Variants in INTS14 observed in about 807,000 individuals in gnomAD.
INTS14 encodes integrator complex subunit 14.
A neutral mutation model predicts 56.9 loss-of-function variants in INTS14; 27 were observed. The ratio of observed to expected loss-of-function variants is 0.47; its 90% CI spans 0.35 to 0.65. The LOEUF (loss-of-function observed/expected upper bound fraction) is 0.65, where lower values mean the gene tolerates loss of function less well. Ranked by LOEUF, INTS14 falls within the 30% of genes least tolerant of loss-of-function variation. The pLI is 0.00. For synonymous variants in INTS14, 207 were observed against 236.2 expected, an observed-to-expected ratio of 0.88 and a Z score of 1.13; for missense variants, 517 against 632.2, an observed-to-expected ratio of 0.82 and a Z score of 1.95.
rs2073371128 is a variant in INTS14, at chr15:65,600,039, G to T, written c.331-110C>A. On this transcript the variant is annotated intron_variant, in intron 3 of 11. Coordinates refer to ENST00000313182, the MANE Select transcript of INTS14 (RefSeq NM_001394796.1). ...AAGGGGCACCAGGGCTGGCTATGGT[G>T]GCTCAAGCCTGTAATCCCAGTGCTT... The T allele has an allele frequency of 2.4e-6, 3 of 1,225,000 alleles. No homozygotes were observed. In the East Asian group the frequency reaches 7.6e-5, roughly 31 times the overall value. 75.9% of individuals were successfully genotyped at this position (1,225,000 alleles called of 1,614,324 possible).
At position 65,593,586 on chromosome 15, in the gene INTS14, A is replaced by C; in HGVS notation, c.842-14T>G. ...CCTCATCACCTTCTGTGAAAAAAAG[A>C]GAAAACAGGTCAGACTGAAATTACC... On this transcript the variant is annotated splice_polypyrimidine_tract_variant and intron_variant, in intron 7 of 11. Transcript: ENST00000313182. The C allele has an allele frequency of 6.2e-7, 1 of 1,605,712 alleles. No homozygotes were observed. The highest frequency in any genetic ancestry group is 8.5e-7 in the Non-Finnish European group (1 of 1,177,152).
At chr15:65,610,711 T>G in intron 1 of INTS14, 1 of 1,535,728 alleles carries the variant, frequency 6.5e-7, no homozygotes, top group Non-Finnish European at 8.7e-7. Context: ...CCCGTCAGCC[T>G]CCGGGAGTCC....
chr15:65,610,909 G>C, intron 1 of INTS14, 189 bp downstream of exon 1: 1 of 1,467,590 alleles, frequency 6.8e-7, no homozygotes, highest in African/African-American at 1.4e-5. Flanking sequence ...TGGGGACCCC[G>C]AGCCTCAGAG....
chr15:65,602,782 C>T (rs978982041), intron 3 of INTS14, among the ~76,000 whole-genome samples: 2 of 152,080 alleles, frequency 1.3e-5, no homozygotes, highest in African/African-American at 2.4e-5. Flanking sequence ...ATTCTCCTGC[C>T]GCAGCCTCCT....
At chr15:65,587,415 T>C (rs559319477) in intron 9 of INTS14, among the ~76,000 whole-genome samples, 14 of 149,354 alleles carry the variant, frequency 9.4e-5, no homozygotes, top group African/African-American at 2.7e-4. Flanking sequence ...ATTAGTTATA[T>C]AGAAAACAAG....
chr15:65,595,912 T>C (rs759068683), intron 6 of INTS14, 87 bp from the exon 7 acceptor site: 2 of 1,025,420 alleles, frequency 2.0e-6, no homozygotes, highest in Non-Finnish European at 2.8e-6. Context: ...AATGCACTGT[T>C]TAGGTTGGGG....
chr15:65,610,847 G>C, intron 1 of INTS14: 9 of 1,530,398 alleles, frequency 5.9e-6, no homozygotes, highest in South Asian at 4.8e-5. Flanking sequence ...CTTGGAAAGA[G>C]GGGGCAGAGG....
intron 9 of INTS14, chr15:65,586,536 T>A (rs2141258930): frequency 6.6e-6 from 1 of 152,340 alleles, no homozygotes; most frequent in African/African-American, 2.4e-5. Context: ...GCACTTAGTA[T>A]CAGTACCAAA....
chr15:65,605,082 T>C, intron 3 of INTS14, 47 bp downstream of exon 3: 1 of 1,401,602 alleles, frequency 7.1e-7, no homozygotes, highest in South Asian at 1.2e-5. Flanking sequence ...AGCACCTCAG[T>C]GGTTAATGTT....
chr15:65,581,821 T>C lies in INTS14; in HGVS notation c.1305+133A>G, dbSNP rs562645711. Reference sequence around the variant, plus strand: ...TAGGGAAGGAACAGACCTATCACTTTTACTGAGTTTATTTGAAAAAACTGA... The same window carrying C: ...TAGGGAAGGAACAGACCTATCACTTCTACTGAGTTTATTTGAAAAAACTGA... On this transcript the variant is annotated intron_variant, in intron 11 of 11. Transcript: ENST00000313182. 9.2e-6 allele frequency: 8 copies of C among 865,686 alleles called. No homozygotes were observed. The East Asian group carries it at 2.1e-4, about 23-fold the overall frequency. The allele number at this position is 865,686 out of a possible 1,614,324, so 53.6% of individuals were successfully genotyped here.
At chr15:65,592,959 T>C (rs971553215) in intron 8 of INTS14, among the ~76,000 whole-genome samples, 1 of 151,914 alleles carries the variant, frequency 6.6e-6, no homozygotes, top group African/African-American at 2.4e-5. Flanking sequence ...AAGAGTAGTT[T>C]AGAAGGTAAT....
chr15:65,598,573 C>A (rs570022012), intron 5 of INTS14, 110 bp from the exon 6 acceptor site: 1 of 1,137,312 alleles, frequency 8.8e-7, no homozygotes, highest in East Asian at 2.6e-5. Flanking sequence ...AAACTAAGAT[C>A]TGACCATCTG....
rs544544427 is a variant in INTS14, at chr15:65,580,041, A to G, written c.1306-382T>C. Among the ~76,000 whole-genome samples the G allele has an allele frequency of 2.6e-5, 4 of 152,204 alleles. No individual in the cohort carries two copies. In the South Asian group the frequency reaches 8.3e-4, roughly 32 times the overall value. ...TGCCCTCAATCTGAAAACGCTCTTA[A>G]CCCTCTGATGCCACTGTGGTGGGGC... On this transcript the variant is annotated intron_variant, in intron 11 of 11. Transcript: ENST00000313182.
chr15:65,599,336 GA>G, intron 4 of INTS14: 4 of 194,026 alleles, frequency 2.1e-5, no homozygotes, highest in East Asian at 1.3e-4. Context: ...AAACTGAGGG[GA>G]AAAAAGGTTA....
In INTS14 at chr15:65,599,866, T is replaced by C; in HGVS notation, c.394A>G (p.Thr132Ala). The change falls in exon 4 of 12, where the codon ACT (threonine) becomes GCT (alanine). Residue 132 changes from threonine to alanine, a missense_variant. Coordinates refer to ENST00000313182, the MANE Select transcript of INTS14 (RefSeq NM_001394796.1). ...GRGSLRHSLA[T>A]QNQRSESNRF... Reference sequence around the variant, plus strand: ...TTGCTCTCACTTCGTTGATTTTGAGTGGCTAGGGAATGTCGCAGTGACCCT... The same window carrying C: ...TTGCTCTCACTTCGTTGATTTTGAGCGGCTAGGGAATGTCGCAGTGACCCT... 6.2e-7 allele frequency: 1 copy of C among 1,614,158 alleles called. No individual in the cohort carries two copies. Among genetic ancestry groups the C allele is most frequent in the Non-Finnish European group, 8.5e-7 (1 of 1,180,010 alleles).
At chr15:65,608,421 G>C (rs1257653599) in intron 1 of INTS14, among the ~76,000 whole-genome samples, 1 of 151,298 alleles carries the variant, frequency 6.6e-6, no homozygotes, top group Non-Finnish European at 1.5e-5. Flanking sequence ...CATGAAATTG[G>C]GTAGAAAAGT....
chr15:65,580,367 G>A (rs569141045), intron 11 of INTS14, among the ~76,000 whole-genome samples: 2 of 152,240 alleles, frequency 1.3e-5, no homozygotes, highest in South Asian at 4.2e-4. Flanking sequence ...TGGGCTCTCT[G>A]ACCATCTTTC....
At chr15:65,599,329 C>T (rs1217762458) in intron 4 of INTS14, 4 of 196,144 alleles carry the variant, frequency 2.0e-5, no homozygotes, top group Non-Finnish European at 3.1e-5. Context: ...GAGAGAAAAA[C>T]TGAGGGGAAA....
chr15:65,589,383 C>T (rs1179138094), intron 9 of INTS14, among the ~76,000 whole-genome samples: 1 of 152,194 alleles, frequency 6.6e-6, no homozygotes, highest in Admixed American at 6.5e-5. Context: ...GTCTCAAACT[C>T]CTGGACTCAA....
Sources: allele counts gnomAD v4.1 joint callset (sites outside exome capture counted in the v4.1 genomes callset), GRCh38; gene constraint gnomAD v4.1.1; transcripts MANE v1.5; gene names NCBI Gene and HGNC (gene_info 2026-07-23, HGNC 2026-07-21).